The following ATRNL1 variants were observed in gnomAD, a reference collection of about 807,000 sequenced individuals.
ATRNL1 encodes the protein attractin like 1.
ATRNL1 carries 95 observed loss-of-function variants against 182.7 expected under a neutral mutation model. The ratio of observed to expected loss-of-function variants is 0.52; its 90% CI spans 0.44 to 0.62. The LOEUF is 0.62. Among genes scored for constraint, ATRNL1 ranks in the 20% least tolerant of loss-of-function variants. The pLI is 0.00. For missense variants in ATRNL1, 1,471 were observed against 1,679.5 expected, an observed-to-expected ratio of 0.88 and a Z score of 2.17; for synonymous variants, 576 against 568.3, an observed-to-expected ratio of 1.01 and a Z score of -0.19.
intron 24 of ATRNL1, among the ~76,000 whole-genome samples, chr10:115,502,213 G>A (rs1356391169): frequency 9.2e-5 from 14 of 152,032 alleles, no homozygotes; most frequent in African/African-American, 2.2e-4. Context: ...AGAAAACCAC[G>A]TGCCATTTTG....
At chr10:115,876,131 G>A (rs1192554854) in intron 28 of ATRNL1, among the ~76,000 whole-genome samples, 14 of 152,136 alleles carry the variant, frequency 9.2e-5, no homozygotes, top group African/African-American at 3.4e-4. Context: ...ACAGACACAC[G>A]CTAAATGAAA....
intron 28 of ATRNL1, among the ~76,000 whole-genome samples, chr10:115,920,942 G>A (rs1953038970): frequency 6.6e-6 from 1 of 152,196 alleles, no homozygotes. Flanking sequence ...AATTATCTGT[G>A]AACTAAAATG....
chr10:115,860,783 G>A (rs1951298091), intron 28 of ATRNL1, among the ~76,000 whole-genome samples: 1 of 152,130 alleles, frequency 6.6e-6, no homozygotes, highest in Admixed American at 6.6e-5. Flanking sequence ...ACTGCAATTT[G>A]ATTCCATTTT....
chr10:115,615,179 A>G (rs1356695691), intron 26 of ATRNL1, among the ~76,000 whole-genome samples: 1 of 151,858 alleles, frequency 6.6e-6, no homozygotes, highest in Non-Finnish European at 1.5e-5. Flanking sequence ...CTTTCTCATG[A>G]GGGTATCTGC....
chr10:115,864,234 C>T (rs1174747111), intron 28 of ATRNL1, among the ~76,000 whole-genome samples: 5 of 148,086 alleles, frequency 3.4e-5, no homozygotes, highest in East Asian at 2.0e-4. Flanking sequence ...ACTCCAGCCT[C>T]GGAGCCTGGG....
At chr10:115,385,641 G>C (rs1443634543) in intron 19 of ATRNL1, among the ~76,000 whole-genome samples, 1 of 147,854 alleles carries the variant, frequency 6.8e-6, no homozygotes, top group African/African-American at 2.4e-5. Context: ...CCTACCCCAA[G>C]GATGCAAATA....
chr10:115,870,110 G>A (rs782059625), intron 28 of ATRNL1, among the ~76,000 whole-genome samples: 40 of 151,582 alleles, frequency 2.6e-4, no homozygotes, highest in Non-Finnish European at 5.0e-4. Flanking sequence ...CCATACTTAG[G>A]TTTATCAATA....
chr10:115,211,663 C>T (rs1554895026), intron 8 of ATRNL1, among the ~76,000 whole-genome samples: 1 of 151,338 alleles, frequency 6.6e-6, no homozygotes, highest in Non-Finnish European at 1.5e-5. Context: ...GCACAATGTG[C>T]AGGTTTGTTA....
At chr10:115,149,747 A>G (rs1244399013) in intron 5 of ATRNL1, among the ~76,000 whole-genome samples, 1 of 151,468 alleles carries the variant, frequency 6.6e-6, no homozygotes. Flanking sequence ...TTTTTTGAGT[A>G]TCTTTGCATC....
At chr10:115,106,991 G>T (rs992254400) in intron 1 of ATRNL1, among the ~76,000 whole-genome samples, 1 of 152,080 alleles carries the variant, frequency 6.6e-6, no homozygotes, top group Non-Finnish European at 1.5e-5. Context: ...GAGGGTCAAG[G>T]GATAGGCAAA....
chr10:115,335,609 C>T (rs143700561), intron 19 of ATRNL1, among the ~76,000 whole-genome samples: 7 of 152,268 alleles, frequency 4.6e-5, no homozygotes, highest in African/African-American at 1.7e-4. Context: ...ACCTTGGTAT[C>T]CATGCGGATT....
intron 19 of ATRNL1, among the ~76,000 whole-genome samples, chr10:115,369,807 T>C (rs1857293205): frequency 6.6e-6 from 1 of 152,244 alleles, no homozygotes; most frequent in Non-Finnish European, 1.5e-5. Context: ...GGTTTTAATT[T>C]GCTATTCCCT....
intron 23 of ATRNL1, among the ~76,000 whole-genome samples, chr10:115,467,889 G>A (rs1224278633): frequency 1.3e-5 from 2 of 150,238 alleles, no homozygotes; most frequent in Admixed American, 6.7e-5. Flanking sequence ...AATTTTATTG[G>A]TATCTATTTT....
chr10:115,187,849 T>C (rs1848008987), intron 8 of ATRNL1, among the ~76,000 whole-genome samples: 1 of 151,838 alleles, frequency 6.6e-6, no homozygotes, highest in South Asian at 2.1e-4. Flanking sequence ...GCCTGGTTAA[T>C]TTTTTAATTT....
At chr10:115,890,633 T>C (rs1038171) in intron 28 of ATRNL1, among the ~76,000 whole-genome samples, 2,745 of 152,296 alleles carry the variant, frequency 0.018, 30 homozygotes, top group African/African-American at 0.035. Flanking sequence ...TTTCCTTTAA[T>C]AGCTTGTGTT....
intron 24 of ATRNL1, among the ~76,000 whole-genome samples, chr10:115,475,469 G>T (rs1035288160): frequency 6.6e-6 from 1 of 151,248 alleles, no homozygotes; most frequent in African/African-American, 2.4e-5. Flanking sequence ...CTTCTTAATC[G>T]TTATAGTATT....
At chr10:115,558,065 C>CAAAAAAACA in intron 26 of ATRNL1, among the ~76,000 whole-genome samples, 1 of 144,692 alleles carries the variant, frequency 6.9e-6, no homozygotes, top group Non-Finnish European at 1.5e-5. Context: ...AACAAAAAAA[C>CAAAAAAACA]AAAAAAAAAA....
intron 26 of ATRNL1, among the ~76,000 whole-genome samples, chr10:115,599,632 C>T (rs575064200): frequency 6.6e-6 from 1 of 152,210 alleles, no homozygotes; most frequent in East Asian, 1.9e-4. Flanking sequence ...GCAGTTTTAC[C>T]TATCATTGCT....
At chr10:115,625,964 C>A (rs1858070202) in intron 26 of ATRNL1, among the ~76,000 whole-genome samples, 1 of 152,008 alleles carries the variant, frequency 6.6e-6, no homozygotes, top group Admixed American at 6.6e-5. Flanking sequence ...TCACACTTTC[C>A]CCCTCATCTC....
Sources: gnomAD v4.1 joint callset for allele counts (sites outside exome capture counted in the v4.1 genomes callset) on GRCh38, gnomAD v4.1.1 for gene constraint, MANE v1.5 for transcripts, NCBI Gene and HGNC (gene_info 2026-07-23, HGNC 2026-07-21) for gene names.